Variants in ARHGAP31 observed in about 807,000 individuals in gnomAD.
ARHGAP31 encodes the protein rho GTPase-activating protein 31.
ARHGAP31 carries 34 observed loss-of-function variants against 113.9 expected under a neutral mutation model. The ratio of observed to expected loss-of-function variants is 0.30; its 90% CI spans 0.23 to 0.40. ARHGAP31 has a LOEUF of 0.40. ARHGAP31 is among the 10% of genes least tolerant of loss of function. The pLI is 1.00. For synonymous variants in ARHGAP31, 650 were observed against 684.8 expected, an observed-to-expected ratio of 0.95 and a Z score of 0.79; for missense variants, 1,548 against 1,767.1, an observed-to-expected ratio of 0.88 and a Z score of 2.22.
intron 1 of ARHGAP31, among the ~76,000 whole-genome samples, chr3:119,346,738 T>A (rs532551782): frequency 6.6e-6 from 1 of 152,336 alleles, no homozygotes; most frequent in African/African-American, 2.4e-5. Context: ...ACTTAAGCCC[T>A]AATCCTGAAA....
intron 1 of ARHGAP31, among the ~76,000 whole-genome samples, chr3:119,309,591 C>CAA (rs67779366): frequency 6.8e-6 from 1 of 147,570 alleles, no homozygotes; most frequent in African/African-American, 2.5e-5. Flanking sequence ...TCTGTCTCTA[C>CAA]AAAAAAAAAA....
intron 11 of ARHGAP31, among the ~76,000 whole-genome samples, chr3:119,413,132 A>G (rs149342094): frequency 0.021 from 3,138 of 152,112 alleles, 103 homozygotes; most frequent in African/African-American, 0.071. Flanking sequence ...TCTGGCCAAC[A>G]TAGTGACACC....
At position 119,401,917 on chromosome 3, in the gene ARHGAP31, T is replaced by G. The variant is rs1055686247; in HGVS notation, c.1165T>G (p.Cys389Gly). 1 of 1,614,068 alleles carries G rather than the reference T, an allele frequency of 6.2e-7. No homozygotes were observed. Among genetic ancestry groups the G allele is most frequent in the Non-Finnish European group, 8.5e-7 (1 of 1,179,990 alleles). Residue 389 changes from cysteine to glycine, a missense_variant, in exon 10 of 12, where the codon TGT becomes GGT. Coordinates refer to ENST00000264245, the MANE Select transcript of ARHGAP31 (RefSeq NM_020754.4). ...KMHSTGTGSS[C>G]DLTKQEGEWG... The stretch of plus-strand genomic sequence containing the variant: ...GCACTCCACCGGCACCGGCAGCTCA[T>G]GTGACCTCACCAAGCAGGAGGGCGA...
chr3:119,311,809 A>G (rs1576988144), intron 1 of ARHGAP31, among the ~76,000 whole-genome samples: 1 of 152,344 alleles, frequency 6.6e-6, no homozygotes, highest in East Asian at 1.9e-4. Context: ...CGTATCTTCA[A>G]CTGATTCTCA....
chr3:119,386,170 A>C (rs1462182470), intron 6 of ARHGAP31, among the ~76,000 whole-genome samples: 1 of 152,266 alleles, frequency 6.6e-6, no homozygotes, highest in African/African-American at 2.4e-5. Context: ...ACAAAATGGA[A>C]TAAGCCCTAT....
At chr3:119,331,510 GGAGT>G (rs1000382394) in intron 1 of ARHGAP31, among the ~76,000 whole-genome samples, 11 of 152,230 alleles carry the variant, frequency 7.2e-5, no homozygotes, top group African/African-American at 2.2e-4. Context: ...ATTTTGAAAA[GGAGT>G]GAGGGAAGAA....
rs895252089 is a variant in ARHGAP31 at position 119,378,130 on chromosome 3, GATTTAACCATTAGCC to G, written c.349-2771_349-2757del. On this transcript the variant is annotated intron_variant, in intron 3 of 11. Transcript: ENST00000264245. ...CACAGATTCATCCTAGATCTTTTAA[GATTTAACCATTAGCC>G]ATCTTGGCCTGGCTAATGCTGAGTG... 2.4e-4 allele frequency among the ~76,000 whole-genome samples: 37 copies of G among 152,266 alleles called. 1 individual carries two copies. The highest frequency in any genetic ancestry group is 4.9e-4 in the Non-Finnish European group (33 of 68,016).
intron 1 of ARHGAP31, among the ~76,000 whole-genome samples, chr3:119,321,605 T>G (rs2079786717): frequency 6.6e-6 from 1 of 151,692 alleles, no homozygotes; most frequent in African/African-American, 2.4e-5. Context: ...ACCGAAGTCT[T>G]TATTCAAGTT....
At chr3:119,392,947 T>C (rs1479796908) in intron 7 of ARHGAP31, among the ~76,000 whole-genome samples, 1 of 152,154 alleles carries the variant, frequency 6.6e-6, no homozygotes, top group Admixed American at 6.5e-5. Context: ...TTTACTCCTG[T>C]ATAAAAACTG....
chr3:119,376,753 C>T (rs914582102), intron 3 of ARHGAP31, among the ~76,000 whole-genome samples: 67 of 128,104 alleles, frequency 5.2e-4, no homozygotes, highest in African/African-American at 2.1e-3. Flanking sequence ...GAGTGAGACT[C>T]GTCTCAAAAA....
At chr3:119,393,687 T>G (rs1226319252) in intron 8 of ARHGAP31, 96 bp downstream of exon 8, 1 of 1,485,278 alleles carries the variant, frequency 6.7e-7, no homozygotes, top group Non-Finnish European at 9.3e-7. Context: ...ACACTAGCTC[T>G]GAAAGAGAAA....
At chr3:119,332,590 TTCTC>T (rs1303448021) in intron 1 of ARHGAP31, among the ~76,000 whole-genome samples, 4 of 85,836 alleles carry the variant, frequency 4.7e-5, no homozygotes, top group Admixed American at 1.1e-4. Context: ...AGGGATCTCT[TTCTC>T]TCTCTCTCTT....
At chr3:119,335,447 G>A (rs573187546) in intron 1 of ARHGAP31, among the ~76,000 whole-genome samples, 1 of 152,216 alleles carries the variant, frequency 6.6e-6, no homozygotes, top group South Asian at 2.1e-4. Flanking sequence ...CCCTAACCCC[G>A]GTCCTCAAAG....
intron 1 of ARHGAP31, among the ~76,000 whole-genome samples, chr3:119,298,490 G>A (rs975063638): frequency 1.3e-5 from 2 of 152,178 alleles, no homozygotes; most frequent in African/African-American, 4.8e-5. Context: ...TTCTATTAGA[G>A]CTTGGAGATG....
intron 6 of ARHGAP31, among the ~76,000 whole-genome samples, chr3:119,386,356 G>A (rs2080448036): frequency 6.6e-6 from 1 of 152,202 alleles, no homozygotes; most frequent in Non-Finnish European, 1.5e-5. Flanking sequence ...AGGGCCGGTA[G>A]ATTCAGTGTC....
chr3:119,376,108 C>A (rs62266691), intron 3 of ARHGAP31, among the ~76,000 whole-genome samples: 21,934 of 152,110 alleles, frequency 0.14, 1,717 homozygotes, highest in African/African-American at 0.2. Flanking sequence ...TGTTGTGTTT[C>A]CCTGCTTGCT....
chr3:119,342,864 G>A (rs1169112174), intron 1 of ARHGAP31, among the ~76,000 whole-genome samples: 13 of 151,852 alleles, frequency 8.6e-5, no homozygotes, highest in South Asian at 4.2e-4. Flanking sequence ...CAGGAGAATC[G>A]CTTGAACCCA....
intron 11 of ARHGAP31, among the ~76,000 whole-genome samples, chr3:119,410,114 C>T (rs75285679): frequency 7.2e-5 from 11 of 152,318 alleles, no homozygotes; most frequent in African/African-American, 2.6e-4. Flanking sequence ...GCTTGTCATA[C>T]CCCAGTCCCA....
chr3:119,330,044 G>C, intron 1 of ARHGAP31: 1 of 964,634 alleles, frequency 1.0e-6, no homozygotes. Flanking sequence ...AAACCAACTA[G>C]TGTGGTAGAT....
Sources: gnomAD v4.1 joint callset for allele counts (sites outside exome capture counted in the v4.1 genomes callset) on GRCh38, gnomAD v4.1.1 for gene constraint, MANE v1.5 for transcripts, NCBI Gene and HGNC (gene_info 2026-07-23, HGNC 2026-07-21) for gene names.